Variants in BCL6 observed in about 807,000 individuals in gnomAD.
BCL6 encodes BCL6 transcription repressor, also known as B-cell lymphoma 6 protein.
A neutral mutation model predicts 59.5 loss-of-function variants in BCL6; 7 were observed. The ratio of observed to expected loss-of-function variants is 0.12; its 90% CI spans 0.07 to 0.22. The LOEUF is 0.22. BCL6 is among the 10% of genes least tolerant of loss of function. The pLI is 1.00. For synonymous variants in BCL6, 339 were observed against 349.7 expected, an observed-to-expected ratio of 0.97 and a Z score of 0.34; for missense variants, 685 against 939.4, an observed-to-expected ratio of 0.73 and a Z score of 3.54.
At chr3:187,745,295 A>G (rs1711897016) in intron 1 of BCL6, 115 bp downstream of exon 1, 5 of 399,032 alleles carry the variant, frequency 1.3e-5, no homozygotes, top group East Asian at 3.6e-5. Flanking sequence ...GGAAAAAAAA[A>G]GAATTAAAAG....
At chr3:187,744,892 A>T (rs1711836780) in intron 1 of BCL6, among the ~76,000 whole-genome samples, 1 of 152,208 alleles carries the variant, frequency 6.6e-6, no homozygotes, top group Non-Finnish European at 1.5e-5. Context: ...GCCGTACGCA[A>T]GCAGCAGCAG....
Position 187,731,728 on chromosome 3 carries a change from G to T in BCL6, c.364C>A (p.Arg122=), listed in dbSNP as rs551620719. The change falls in exon 4 of 10, where the codon CGG becomes AGG. Residue 122 remains arginine (R), a synonymous_variant. Transcript: ENST00000406870. ...LQMEHVVDTC[R]KFIKASEAEM... ...ACTCACCTGGCCTTAATAAACTTCCGGCAAGTGTCCACAACATGCTCCATC... is the reference window on the plus strand; with the variant it reads ...ACTCACCTGGCCTTAATAAACTTCCTGCAAGTGTCCACAACATGCTCCATC... 1 of 1,614,048 alleles carries T rather than the reference G, an allele frequency of 6.2e-7. No homozygotes were observed. The highest frequency in any genetic ancestry group is 2.2e-5 in the East Asian group (1 of 44,882).
intron 1 of BCL6, among the ~76,000 whole-genome samples, chr3:187,744,660 A>G (rs538245067): frequency 2.6e-5 from 4 of 152,256 alleles, no homozygotes; most frequent in Admixed American, 1.3e-4. Flanking sequence ...GGGAATCTAA[A>G]AGACCGAGGC....
intron 1 of BCL6, among the ~76,000 whole-genome samples, chr3:187,744,136 A>T (rs529448064): frequency 6.6e-6 from 1 of 152,276 alleles, no homozygotes; most frequent in Admixed American, 6.5e-5. Flanking sequence ...AAAAAATAAA[A>T]TAAAATTTAG....
chr3:187,727,204 C>A (rs1223319954), intron 6 of BCL6, among the ~76,000 whole-genome samples: 1 of 152,216 alleles, frequency 6.6e-6, no homozygotes, highest in African/African-American at 2.4e-5. Context: ...CAGAGATTTT[C>A]TTTCCCCAAG....
At chr3:187,735,838 A>G (rs1409999921) in intron 1 of BCL6, among the ~76,000 whole-genome samples, 3 of 140,376 alleles carry the variant, frequency 2.1e-5, no homozygotes, top group Non-Finnish European at 3.1e-5. Flanking sequence ...TCCCCCCTTT[A>G]AAAAAAAAAA....
chr3:187,733,998 C>G, intron 2 of BCL6: 1 of 429,330 alleles, frequency 2.3e-6, no homozygotes, highest in Non-Finnish European at 4.4e-6. Context: ...CAAGCACTGA[C>G]AGGTAGTGAG....
intron 1 of BCL6, among the ~76,000 whole-genome samples, chr3:187,738,897 TC>T (rs1381085790): frequency 7.2e-5 from 11 of 152,342 alleles, no homozygotes; most frequent in Middle Eastern, 6.8e-3. Flanking sequence ...GGGATGAGAA[TC>T]TGGGAAGTTA....
At chr3:187,734,124 C>A (rs1579819978) in intron 2 of BCL6, among the ~76,000 whole-genome samples, 2 of 148,552 alleles carry the variant, frequency 1.3e-5, no homozygotes, top group South Asian at 4.3e-4. Context: ...CACTGCAAGT[C>A]CGCCTTCCCA....
chr3:187,726,696 G>A (rs1718715505), intron 7 of BCL6, 35 bp downstream of exon 7: 27 of 1,607,060 alleles, frequency 1.7e-5, no homozygotes, highest in Non-Finnish European at 2.3e-5. Context: ...CCCAATAATT[G>A]TGGAGAGTTC....
chr3:187,737,387 G>GAGAGAGAGAA (rs1375782473), intron 1 of BCL6: 2 of 146,362 alleles, frequency 1.4e-5, no homozygotes, highest in African/African-American at 5.0e-5. Context: ...GAGAGAGAGA[G>GAGAGAGAGAA]AGAGAGAGAA....
chr3:187,740,864 G>A (rs1183982832), intron 1 of BCL6, among the ~76,000 whole-genome samples: 5 of 152,234 alleles, frequency 3.3e-5, no homozygotes, highest in Non-Finnish European at 7.3e-5. Flanking sequence ...GGCAAGCAGC[G>A]AGGCCTTTCT....
intron 1 of BCL6, among the ~76,000 whole-genome samples, chr3:187,740,813 G>A (rs1711560870): frequency 6.6e-6 from 1 of 152,236 alleles, no homozygotes; most frequent in Admixed American, 6.5e-5. Context: ...GGTTATTTGT[G>A]GTTTTTCTTA....
Position 187,727,041 on chromosome 3 carries a change from G to A in BCL6, c.1541-143C>T, listed in dbSNP as rs191389463. ...ACCCACCCGACATTCATGGGAGCTCGGAGCAAAGGATCTGTGGGGACTTTA... is the reference window on the plus strand; with the variant it reads ...ACCCACCCGACATTCATGGGAGCTCAGAGCAAAGGATCTGTGGGGACTTTA... On this transcript the variant is annotated intron_variant, in intron 6 of 9. Transcript: ENST00000406870. The A allele has an allele frequency of 9.4e-4, 827 of 883,078 alleles. 2 individuals carry two copies. The highest frequency in any genetic ancestry group is 1.2e-3 in the Non-Finnish European group (720 of 577,638). The allele number at this position is 883,078 out of a possible 1,614,324, so 54.7% of individuals were successfully genotyped here.
intron 4 of BCL6, 133 bp downstream of exon 4, chr3:187,731,576 T>G: frequency 1.2e-6 from 1 of 865,746 alleles, no homozygotes; most frequent in Non-Finnish European, 1.8e-6. Context: ...AGCAGAAGTG[T>G]GCAACAAGAG....
chr3:187,726,580 AG>A, intron 7 of BCL6, 150 bp downstream of exon 7: 1 of 1,064,680 alleles, frequency 9.4e-7, no homozygotes, highest in South Asian at 1.6e-5. Flanking sequence ...AAGACAAGAC[AG>A]GGTTAGACCC....
chr3:187,726,397 CT>C (rs1215581928), intron 7 of BCL6, among the ~76,000 whole-genome samples: 1 of 152,046 alleles, frequency 6.6e-6, no homozygotes, highest in Non-Finnish European at 1.5e-5. Flanking sequence ...AATCAACAGG[CT>C]TTTTTTTCTG....
rs2108464274 is a variant in BCL6, at chr3:187,729,016, CCT to C, written c.1355+32_1355+33del. On this transcript the variant is annotated intron_variant, in intron 5 of 9. Transcript: ENST00000406870. The surrounding 1 kb of genome is among the most constrained non-coding windows in gnomAD (Gnocchi z 5.6). Reference sequence around the variant, plus strand: ...GACATGGAACCCTGCCCAGGTAACCCCTGACCTCAGACCCAGACAGTCTCTGA... The same window carrying C: ...GACATGGAACCCTGCCCAGGTAACCCGACCTCAGACCCAGACAGTCTCTGA... 1.3e-6 allele frequency: 2 copies of C among 1,511,848 alleles called. No individual in the cohort carries two copies. Among genetic ancestry groups the C allele is most frequent in the East Asian group, 2.3e-5 (1 of 43,916 alleles). 93.7% of individuals were successfully genotyped at this position (1,511,848 alleles called of 1,614,324 possible).
intron 1 of BCL6, among the ~76,000 whole-genome samples, chr3:187,744,824 G>T (rs190071481): frequency 6.6e-6 from 1 of 152,048 alleles, no homozygotes; most frequent in East Asian, 1.9e-4. Context: ...AAGGAAAGCA[G>T]TTTGCAAGCG....
Sources: gnomAD v4.1 joint callset for allele counts (sites outside exome capture counted in the v4.1 genomes callset) on GRCh38, gnomAD v4.1.1 for gene constraint, Gnocchi (gnomAD v3.1) non-coding constraint, MANE v1.5 for transcripts, NCBI Gene and HGNC (gene_info 2026-07-23, HGNC 2026-07-21) for gene names.